Variants in MAPK8IP2 observed in about 807,000 individuals in gnomAD.
MAPK8IP2 encodes C-Jun-amino-terminal kinase-interacting protein 2.
In MAPK8IP2, 15 loss-of-function variants were observed where a neutral mutation model predicts 75.6. The observed-to-expected ratio is 0.20, with a 90% CI of 0.13 to 0.31. The LOEUF (loss-of-function observed/expected upper bound fraction) is 0.31. Among genes scored for constraint, MAPK8IP2 ranks in the 10% least tolerant of loss-of-function variants. The pLI, the probability that MAPK8IP2 is intolerant of heterozygous loss-of-function variation, is 1.00. For synonymous variants in MAPK8IP2, 632 were observed against 554.5 expected (o/e 1.14, Z -1.96); for missense variants, 1,089 against 1,211.2 (o/e 0.90, Z 1.50).
chr22:50,603,623 C>A lies in MAPK8IP2; in HGVS notation c.448-3C>A. ...GGACCGCCGTCATGTATCTCCACCC[C>A]AGGACTCCCTAAACAACAACGGAGG... On this transcript the variant is annotated splice_polypyrimidine_tract_variant and splice_region_variant and intron_variant, in intron 3 of 11. Transcript: ENST00000329492. 2 of 1,592,746 alleles carry A rather than the reference C, an allele frequency of 1.3e-6. No homozygotes were observed. The highest frequency in any genetic ancestry group is 1.7e-6 in the Non-Finnish European group (2 of 1,170,154).
chr22:50,606,798 G>A lies in MAPK8IP2; in HGVS notation c.2232+33G>A, dbSNP rs368785178. ...TGTGGGGGACTGGGGACCGGGGACT[G>A]GGGGATAGGGTTAGGCCACGGAGTC... On this transcript the variant is annotated intron_variant, in intron 9 of 11. Coordinates refer to ENST00000329492, the MANE Select transcript of MAPK8IP2 (RefSeq NM_012324.6). The A allele has an allele frequency of 1.0e-4, 158 of 1,583,090 alleles. 1 individual carries two copies. Among genetic ancestry groups the A allele is most frequent in the Middle Eastern group, 6.7e-4 (4 of 6,000 alleles).
chr22:50,602,268 C>T (rs370254867), intron 2 of MAPK8IP2, among the ~76,000 whole-genome samples: 42 of 152,360 alleles, frequency 2.8e-4, no homozygotes, highest in African/African-American at 1.0e-3. Flanking sequence ...CTGCAGCTCC[C>T]ATCTGTCTGT....
At position 50,603,850 on chromosome 22, in the gene MAPK8IP2, G is replaced by C; in HGVS notation, c.551G>C (p.Gly184Ala). Residue 184 changes from glycine (G) to alanine (A), a missense_variant, in exon 5 of 12, where the codon GGC (glycine) becomes GCC (alanine). Physicochemically the swap from Gly to Ala is moderately conservative, Grantham distance 60 (BLOSUM62 0). This residue lies in a region of MAPK8IP2 where 960 missense variants were observed against 1,009.6 expected (regional missense o/e 0.95). Transcript: ENST00000329492. Reference protein sequence around the residue: ...PAPEALRELPGPLPATDTGPG... With the variant: ...PAPEALRELPAPLPATDTGPG... ...CCTCCCTGCCCAGCAGAGCTCCCGG[G>C]CCCCCTCCCTGCCACGGACACCGGG... is the stretch of plus-strand genomic sequence containing the variant. The C allele has an allele frequency of 6.5e-7, 1 of 1,529,066 alleles. No homozygotes were observed. Among genetic ancestry groups the C allele is most frequent in the Non-Finnish European group, 8.8e-7 (1 of 1,139,362 alleles). 94.7% of individuals were successfully genotyped at this position (1,529,066 alleles called of 1,614,324 possible). A position where few individuals can be genotyped will look rare whatever the true frequency, so the allele number is the denominator to read the frequency against.
Position 50,612,180 on chromosome 22 carries a change from G to C in MAPK8IP2, c.*1401G>C, listed in dbSNP as rs1445391804. On this transcript the variant is annotated 3_prime_UTR_variant, in exon 12 of 12. Transcript: ENST00000329492. ...GAGGGAGACTCCGTCTCAGAAAAAG[G>C]AAAAGAAAAACAATCTACTTAGATC... 1 of 152,120 alleles carries C rather than the reference G, an allele frequency of 6.6e-6. No homozygotes were observed. Among genetic ancestry groups the C allele is most frequent in the Non-Finnish European group, 1.5e-5 (1 of 68,024 alleles). 9.4% of individuals were successfully genotyped at this position (152,120 alleles called of 1,614,324 possible). A position where few individuals can be genotyped will look rare whatever the true frequency, so the allele number is the denominator to read the frequency against.
intron 8 of MAPK8IP2, among the ~76,000 whole-genome samples, chr22:50,606,193 C>T (rs2071046147): frequency 6.6e-6 from 1 of 152,362 alleles, no homozygotes; most frequent in East Asian, 1.9e-4. Flanking sequence ...TTCCAGGTGG[C>T]CCCGACTGCC....
At position 50,604,777 on chromosome 22, in the gene MAPK8IP2, G is replaced by T; in HGVS notation, c.1478G>T (p.Gly493Val). The change falls in exon 5 of 12, where the codon GGC becomes GTC. Residue 493 changes from glycine to valine, a missense_variant. Physicochemically the swap from Gly to Val is moderately radical, Grantham distance 109. Coordinates refer to ENST00000329492, the MANE Select transcript of MAPK8IP2 (RefSeq NM_012324.6). ...AGTGCGGGGTCCCCCGGGGGCAGGG[G>T]CACGGGCCCCTCGGCGCCGCGGGAC... is the stretch of plus-strand genomic sequence containing the variant. ...EDSAGSPGGR[G>V]TGPSAPRDAS... The T allele has an allele frequency of 6.5e-7, 1 of 1,545,592 alleles. No individual in the cohort carries two copies. Among genetic ancestry groups the T allele is most frequent in the South Asian group, 1.2e-5 (1 of 84,044 alleles).
intron 6 of MAPK8IP2, 44 bp downstream of exon 6, chr22:50,605,487 C>T: frequency 6.2e-7 from 1 of 1,611,466 alleles, no homozygotes; most frequent in Non-Finnish European, 8.5e-7. Context: ...GCCTCAGTCC[C>T]TGCCATCACG....
At position 50,604,458 on chromosome 22, in the gene MAPK8IP2, G is replaced by A; in HGVS notation, c.1159G>A (p.Ala387Thr). The stretch of plus-strand genomic sequence containing the variant: ...CCCGCCCGGGGAGCCCGTGTCGCCG[G>A]CCGGCGGGGCCGCCCAGGACTCCCA... The part of the protein sequence containing the change: ...PRPPGEPVSP[A>T]GGAAQDSQDP... The change falls in exon 5 of 12, where the codon GCC (alanine) becomes ACC (threonine). Residue 387 changes from alanine to threonine, a missense_variant. Around this residue, in one of 2 missense-constraint regions of MAPK8IP2, gnomAD observed 960 missense variants for 1,009.6 expected, o/e 0.95. Transcript: ENST00000329492. The A allele has an allele frequency of 7.3e-7, 1 of 1,370,916 alleles. No homozygotes were observed. The highest frequency in any genetic ancestry group is 9.4e-7 in the Non-Finnish European group (1 of 1,067,068). 84.9% of individuals were successfully genotyped at this position (1,370,916 alleles called of 1,614,324 possible). A position where few individuals can be genotyped will look rare whatever the true frequency, so the allele number is the denominator to read the frequency against.
chr22:50,605,229 G>A, intron 5 of MAPK8IP2, 139 bp from the exon 6 acceptor site: 1 of 1,107,642 alleles, frequency 9.0e-7, no homozygotes, highest in South Asian at 1.4e-5. Context: ...GGCCTGCTCT[G>A]CCTCAGCTCC....
chr22:50,605,705 C>A lies in MAPK8IP2; in HGVS notation c.1985C>A (p.Ala662Glu). 6.2e-7 allele frequency: 1 copy of A among 1,609,948 alleles called. No homozygotes were observed. The highest frequency in any genetic ancestry group is 1.1e-5 in the South Asian group (1 of 90,586). ...RGVFPAFYAH[A>E]VPGPAKDLLG... ...GTGTTTCCTGCCTTCTACGCCCATG[C>A]GGTGCCCGGCCCTGCCAAGGACCTG... Residue 662 changes from alanine (A) to glutamate (E), a missense_variant, in exon 7 of 12, where the codon GCG becomes GAG. Coordinates refer to ENST00000329492, the MANE Select transcript of MAPK8IP2 (RefSeq NM_012324.6).
chr22:50,609,870 T>C (rs751326757), intron 10 of MAPK8IP2: 11 of 531,144 alleles, frequency 2.1e-5, no homozygotes, highest in South Asian at 5.8e-5. Context: ...GCAGGAGATA[T>C]GGTCTCCAGT....
chr22:50,610,869 C>G lies in MAPK8IP2; in HGVS notation c.*90C>G. The G allele has an allele frequency of 8.3e-7, 1 of 1,202,034 alleles. No individual in the cohort carries two copies. The highest frequency in any genetic ancestry group is 1.2e-6 in the Non-Finnish European group (1 of 847,086). 74.5% of individuals were successfully genotyped at this position (1,202,034 alleles called of 1,614,324 possible). Reference sequence around the variant, plus strand: ...GAGGCCACCATGGCTTTGGCAAGGACTGGATTGGGGGGACATGGGACCTTA... The same window carrying G: ...GAGGCCACCATGGCTTTGGCAAGGAGTGGATTGGGGGGACATGGGACCTTA... On this transcript the variant is annotated 3_prime_UTR_variant, in exon 12 of 12. Transcript: ENST00000329492. The surrounding 1 kb of genome is among the most constrained non-coding windows in gnomAD (Gnocchi z 4.3).
Position 50,604,479 on chromosome 22 carries a change from T to TCCCAGGACC in MAPK8IP2, c.1183_1191dup (p.Gln395_Pro397dup), listed in dbSNP as rs1340198052. ...GCCGGCCGGCGGGGCCGCCCAGGAC[T>TCCCAGGACC]CCCAGGACCCCGAGGCGGCCGCGGG... On this transcript the variant is annotated inframe_insertion, in exon 5 of 12. Coordinates refer to ENST00000329492, the MANE Select transcript of MAPK8IP2 (RefSeq NM_012324.6). 15 of 1,288,282 alleles carry TCCCAGGACC rather than the reference T, an allele frequency of 1.2e-5. No individual in the cohort carries two copies. Among genetic ancestry groups the TCCCAGGACC allele is most frequent in the South Asian group, 2.3e-5 (1 of 43,584 alleles). 79.8% of individuals were successfully genotyped at this position (1,288,282 alleles called of 1,614,324 possible).
chr22:50,611,120 G>T lies in MAPK8IP2; in HGVS notation c.*341G>T. 4.1e-6 allele frequency: 1 copy of T among 244,952 alleles called. No individual in the cohort carries two copies. 15.2% of individuals were successfully genotyped at this position (244,952 alleles called of 1,614,324 possible). ...TCCTCTATTCTTCACTTTGGGGTCA[G>T]AACTTCGGGGGTGTGGAGGAGGTGC... On this transcript the variant is annotated 3_prime_UTR_variant, in exon 12 of 12. Transcript: ENST00000329492. The surrounding 1 kb of genome is among the most constrained non-coding windows in gnomAD (Gnocchi z 5.5).
Position 50,610,127 on chromosome 22 carries a change from C to A in MAPK8IP2, c.2304-85C>A. ...TTACCCTCTCCCCAAGCCCTTTGTT[C>A]CTGCCTCTTCTCTCTACATCATTTG... On this transcript the variant is annotated intron_variant, in intron 10 of 11. Coordinates refer to ENST00000329492, the MANE Select transcript of MAPK8IP2 (RefSeq NM_012324.6). The surrounding 1 kb of genome is among the most constrained non-coding windows in gnomAD (Gnocchi z 4.3). The A allele has an allele frequency of 1.0e-6, 1 of 981,430 alleles. No individual in the cohort carries two copies. The highest frequency in any genetic ancestry group is 1.4e-5 in the South Asian group (1 of 72,756). The allele number at this position is 981,430 out of a possible 1,614,324, so 60.8% of individuals were successfully genotyped here.
At position 50,604,556 on chromosome 22, in the gene MAPK8IP2, G is replaced by A; in HGVS notation, c.1257G>A (p.Pro419=). 1 of 1,157,018 alleles carries A rather than the reference G, an allele frequency of 8.6e-7. No individual in the cohort carries two copies. The highest frequency in any genetic ancestry group is 1.1e-6 in the Non-Finnish European group (1 of 944,430). 71.7% of individuals were successfully genotyped at this position (1,157,018 alleles called of 1,614,324 possible). Residue 419 remains proline (P), a synonymous_variant, in exon 5 of 12, where the codon CCG becomes CCA. Transcript: ENST00000329492. The part of the protein sequence containing the change: ...VDMETLCAPP[P]PAPAAPRPGP... The stretch of plus-strand genomic sequence containing the variant: ...TGGAGACGCTGTGCGCGCCGCCGCC[G>A]CCCGCGCCCGCCGCGCCTCGACCCG...
At position 50,604,899 on chromosome 22, in the gene MAPK8IP2, C is replaced by G; in HGVS notation, c.1600C>G (p.His534Asp). The stretch of plus-strand genomic sequence containing the variant: ...CCTGCGGCGCTGTGCTGGGCTGGGC[C>G]ACGACAGCGAAGAGGACAGCGGCGG... The part of the protein sequence containing the change: ...VSLRRCAGLG[H>D]DSEEDSGGEA... Residue 534 changes from histidine (H) to aspartate (D), a missense_variant, in exon 5 of 12, where the codon CAC (histidine) becomes GAC (aspartate). This residue lies in a region of MAPK8IP2 where 960 missense variants were observed against 1,009.6 expected (regional missense o/e 0.95). Coordinates refer to ENST00000329492, the MANE Select transcript of MAPK8IP2 (RefSeq NM_012324.6). 2 of 1,609,572 alleles carry G rather than the reference C, an allele frequency of 1.2e-6. No individual in the cohort carries two copies. Among genetic ancestry groups the G allele is most frequent in the Non-Finnish European group, 1.7e-6 (2 of 1,178,750 alleles).
In MAPK8IP2 at chr22:50,606,910, C is replaced by T; in HGVS notation, c.2233-11C>T. ...CTTTGACACAGGGACTTCTGCCCACCTCTGCTCTAGTTCCAGCGCTGCAGC... is the reference window on the plus strand; with the variant it reads ...CTTTGACACAGGGACTTCTGCCCACTTCTGCTCTAGTTCCAGCGCTGCAGC... On this transcript the variant is annotated splice_polypyrimidine_tract_variant and intron_variant, in intron 9 of 11. Coordinates refer to ENST00000329492, the MANE Select transcript of MAPK8IP2 (RefSeq NM_012324.6). 6.2e-7 allele frequency: 1 copy of T among 1,613,662 alleles called. No individual in the cohort carries two copies. Among genetic ancestry groups the T allele is most frequent in the Non-Finnish European group, 8.5e-7 (1 of 1,179,718 alleles).
chr22:50,610,566 G>T lies in MAPK8IP2; in HGVS notation c.2403-141G>T. ...CAGGAGAGCTGAGGGTCACACTTGGGGGTGACATGGCCATGCCTGGGTGGG... is the reference window on the plus strand; with the variant it reads ...CAGGAGAGCTGAGGGTCACACTTGGTGGTGACATGGCCATGCCTGGGTGGG... On this transcript the variant is annotated intron_variant, in intron 11 of 11. Coordinates refer to ENST00000329492, the MANE Select transcript of MAPK8IP2 (RefSeq NM_012324.6). The surrounding 1 kb of genome is among the most constrained non-coding windows in gnomAD (Gnocchi z 4.3). 1 of 737,800 alleles carries T rather than the reference G, an allele frequency of 1.4e-6. No individual in the cohort carries two copies. The highest frequency in any genetic ancestry group is 2.3e-6 in the Non-Finnish European group (1 of 435,330). 45.7% of individuals were successfully genotyped at this position (737,800 alleles called of 1,614,324 possible). A position where few individuals can be genotyped will look rare whatever the true frequency, so the allele number is the denominator to read the frequency against.
Sources: allele counts gnomAD v4.1 joint callset (sites outside exome capture counted in the v4.1 genomes callset), GRCh38; gene constraint gnomAD v4.1.1; regional missense constraint gnomAD v4.1.1; non-coding constraint Gnocchi (gnomAD v3.1); transcripts MANE v1.5; gene names NCBI Gene and HGNC (gene_info 2026-07-23, HGNC 2026-07-21).